SLC4A4: variants seen among roughly 807,000 people sequenced by gnomAD.
SLC4A4 encodes the protein electrogenic sodium bicarbonate cotransporter 1.
In SLC4A4, 27 loss-of-function variants were observed where a neutral mutation model predicts 111.5. The observed-to-expected ratio is 0.24, with a 90% CI of 0.18 to 0.33. SLC4A4 has a LOEUF of 0.33. SLC4A4 is among the 10% of genes least tolerant of loss of function. SLC4A4 has a pLI of 1.00. For synonymous variants in SLC4A4, 443 were observed against 463.4 expected (o/e 0.96, Z 0.57); for missense variants, 909 against 1,315.5 (o/e 0.69, Z 4.78).
chr4:71,499,841 G>A (rs907045994), intron 16 of SLC4A4, among the ~76,000 whole-genome samples: 6 of 152,088 alleles, frequency 3.9e-5, no homozygotes, highest in Non-Finnish European at 8.8e-5. Flanking sequence ...TGAACACTTA[G>A]GCTGATTCCA....
intron 16 of SLC4A4, among the ~76,000 whole-genome samples, chr4:71,514,575 G>C (rs1172612189): frequency 6.6e-6 from 1 of 152,138 alleles, no homozygotes; most frequent in African/African-American, 2.4e-5. Context: ...AGGAGGATTG[G>C]TTAGTTCTTT....
At chr4:71,234,940 C>G (rs1719701057) in intron 1 of SLC4A4, among the ~76,000 whole-genome samples, 1 of 152,118 alleles carries the variant, frequency 6.6e-6, no homozygotes. Flanking sequence ...CTATTGTCCA[C>G]CATTGACTGG....
chr4:71,530,824 A>G (rs1733848918), intron 16 of SLC4A4, among the ~76,000 whole-genome samples: 1 of 152,078 alleles, frequency 6.6e-6, no homozygotes, highest in Non-Finnish European at 1.5e-5. Flanking sequence ...CTTTCAAGAA[A>G]TCCTTTGTCT....
intron 12 of SLC4A4, among the ~76,000 whole-genome samples, chr4:71,456,342 A>G (rs1726268520): frequency 6.6e-6 from 1 of 152,230 alleles, no homozygotes; most frequent in Admixed American, 6.5e-5. Context: ...AAAAAGAGGC[A>G]TAGAAAATTA....
At position 71,105,628 on chromosome 4, in the gene SLC4A4, A is replaced by G. The variant is rs1742893234; in HGVS notation, c.-2+12836A>G. 2.1e-5 allele frequency among the ~76,000 whole-genome samples: 3 copies of G among 140,190 alleles called. No individual in the cohort carries two copies. In the South Asian group the frequency reaches 7.2e-4, roughly 34 times the overall value. 92.0% of individuals were successfully genotyped at this position (140,190 alleles called of 152,430 possible). ...TCAGAAATAACGCCGCATATCTACA[A>G]CTATCTGATCTTTGACAAACCTGAG... On this transcript the variant is annotated intron_variant, in intron 2 of 26. Coordinates refer to the SLC4A4 transcript ENST00000649996.
At chr4:71,451,085 A>T in intron 10 of SLC4A4, 103 bp from the exon 11 acceptor site, 2 of 774,828 alleles carry the variant, frequency 2.6e-6, no homozygotes, top group Non-Finnish European at 4.6e-6. Context: ...CTTTCACCTT[A>T]AGGGTTTTCA....
chr4:71,228,748 G>T (rs1719210894), intron 1 of SLC4A4, among the ~76,000 whole-genome samples: 1 of 152,202 alleles, frequency 6.6e-6, no homozygotes. Flanking sequence ...GGTAATTGTA[G>T]ATTCAAATGC....
At chr4:71,377,126 A>T (rs1281791310) in intron 6 of SLC4A4, among the ~76,000 whole-genome samples, 1 of 152,230 alleles carries the variant, frequency 6.6e-6, no homozygotes, top group African/African-American at 2.4e-5. Context: ...TCCTAATGTA[A>T]CACGTATTGA....
chr4:71,480,986 G>A (rs1234689025), intron 14 of SLC4A4, among the ~76,000 whole-genome samples: 1 of 151,704 alleles, frequency 6.6e-6, no homozygotes, highest in African/African-American at 2.4e-5. Context: ...ACAGAGCTAG[G>A]AGTAATCTTA....
At chr4:71,514,912 G>T (rs961601541) in intron 16 of SLC4A4, among the ~76,000 whole-genome samples, 3 of 151,688 alleles carry the variant, frequency 2.0e-5, no homozygotes, top group African/African-American at 4.8e-5. Context: ...CAGTTTATTG[G>T]CTGTGTATAT....
At chr4:71,296,849 G>C (rs1724834695) in intron 3 of SLC4A4, among the ~76,000 whole-genome samples, 1 of 152,084 alleles carries the variant, frequency 6.6e-6, no homozygotes, top group Admixed American at 6.6e-5. Context: ...TTGTTGGCTA[G>C]GTGATAGAAA....
chr4:71,260,288 C>T (rs1442477449), intron 3 of SLC4A4, among the ~76,000 whole-genome samples: 1 of 152,184 alleles, frequency 6.6e-6, no homozygotes, highest in African/African-American at 2.4e-5. Context: ...GTGCACACCC[C>T]TCCCAACCTG....
At chr4:71,404,465 A>T (rs1720654142) in intron 7 of SLC4A4, among the ~76,000 whole-genome samples, 1 of 152,208 alleles carries the variant, frequency 6.6e-6, no homozygotes, top group East Asian at 1.9e-4. Context: ...TAGCTATTGC[A>T]TATCTTAATA....
intron 7 of SLC4A4, among the ~76,000 whole-genome samples, chr4:71,425,550 G>C (rs1723046382): frequency 6.6e-6 from 1 of 152,120 alleles, no homozygotes; most frequent in African/African-American, 2.4e-5. Context: ...GTGACAGCCT[G>C]AGGCGGTCCT....
At chr4:71,420,108 T>C (rs1722285201) in intron 7 of SLC4A4, among the ~76,000 whole-genome samples, 1 of 152,146 alleles carries the variant, frequency 6.6e-6, no homozygotes, top group Non-Finnish European at 1.5e-5. Flanking sequence ...GACGAATGTA[T>C]AACTAGAATA....
chr4:71,320,039 G>C (rs1045951729), intron 3 of SLC4A4, among the ~76,000 whole-genome samples: 3 of 151,944 alleles, frequency 2.0e-5, no homozygotes, highest in Admixed American at 6.6e-5. Flanking sequence ...GGAATCAGCT[G>C]CTGCAAACAC....
intron 1 of SLC4A4, among the ~76,000 whole-genome samples, chr4:71,083,580 C>T (rs563145915): frequency 6.6e-6 from 1 of 151,910 alleles, no homozygotes; most frequent in Non-Finnish European, 1.5e-5. Flanking sequence ...GACAGGGCAG[C>T]TAAAGGACAA....
chr4:71,563,769 A>G (rs758650376), intron 23 of SLC4A4, 24 bp from the exon 24 acceptor site: 8 of 1,436,110 alleles, frequency 5.6e-6, no homozygotes, highest in Non-Finnish European at 7.9e-6. Flanking sequence ...ACATTCTAAA[A>G]CCTCTTGTAC....
chr4:71,534,161 T>G (rs1734191101), intron 17 of SLC4A4, 66 bp from the exon 18 acceptor site: 1 of 1,468,508 alleles, frequency 6.8e-7, no homozygotes, highest in Admixed American at 1.7e-5. Context: ...TTCCCGTTGG[T>G]TTTTTCACCA....
Sources: gnomAD v4.1 joint callset for allele counts (sites outside exome capture counted in the v4.1 genomes callset) on GRCh38, gnomAD v4.1.1 for gene constraint, MANE v1.5 for transcripts, NCBI Gene and HGNC (gene_info 2026-07-23, HGNC 2026-07-21) for gene names.